The following FANCC variants were observed in gnomAD, a reference collection of about 807,000 sequenced individuals.
FANCC encodes Fanconi anemia group C protein.
A neutral mutation model predicts 71.3 loss-of-function variants in FANCC; 55 were observed. The ratio of observed to expected loss-of-function variants is 0.77; its 90% CI spans 0.62 to 0.97. The LOEUF is 0.97. FANCC is among the 50% of genes least tolerant of loss of function. The probability of loss-of-function intolerance (pLI) is 0.00; values close to 1 mark genes in which losing one functional copy is unlikely to be tolerated. For synonymous variants in FANCC, 275 were observed against 244.9 expected (o/e 1.12, Z -1.15); for missense variants, 678 against 670.9 (o/e 1.01, Z -0.12).
At chr9:95,298,994 G>T (rs368203701) in intron 1 of FANCC, among the ~76,000 whole-genome samples, 6 of 151,962 alleles carry the variant, frequency 3.9e-5, no homozygotes, top group African/African-American at 1.5e-4. Flanking sequence ...AAAATACTAC[G>T]GTATATATGG....
Position 95,121,152 on chromosome 9 carries a change from T to C in FANCC, c.997-3762A>G, listed in dbSNP as rs905151921. Reference sequence around the variant, plus strand: ...TATCATTTTTATCTGTGGGAGATGATTTAATCTAGCTCATTACCAGATGCT... The same window carrying C: ...TATCATTTTTATCTGTGGGAGATGACTTAATCTAGCTCATTACCAGATGCT... On this transcript the variant is annotated intron_variant, in intron 10 of 14. Coordinates refer to ENST00000289081, the MANE Select transcript of FANCC (RefSeq NM_000136.3). Among the ~76,000 whole-genome samples the C allele has an allele frequency of 5.9e-5, 9 of 152,228 alleles. 1 individual carries two copies. The highest frequency in any genetic ancestry group is 4.1e-4 in the South Asian group (2 of 4,832).
At chr9:95,293,461 C>A in intron 1 of FANCC, 1 of 1,570,438 alleles carries the variant, frequency 6.4e-7, no homozygotes, top group South Asian at 1.2e-5. Flanking sequence ...ATTGCTGATC[C>A]TGTTGCTGTT....
chr9:95,218,381 C>CT (rs2135921103), intron 4 of FANCC, among the ~76,000 whole-genome samples: 1 of 152,274 alleles, frequency 6.6e-6, no homozygotes, highest in South Asian at 2.1e-4. Flanking sequence ...GGGAGGACTG[C>CT]TTGAGCCCAG....
rs1835855654 is a variant in FANCC at position 95,317,664 on chromosome 9, C to CCGGCAGTGGAGCCGCG, written c.-233_-218dup. 1 of 152,240 alleles carries CCGGCAGTGGAGCCGCG rather than the reference C, an allele frequency of 6.6e-6. No homozygotes were observed. Among genetic ancestry groups the CCGGCAGTGGAGCCGCG allele is most frequent in the Admixed American group, 6.5e-5 (1 of 15,288 alleles). The allele number at this position is 152,240 out of a possible 1,614,324, so 9.4% of individuals were successfully genotyped here. A position where few individuals can be genotyped will look rare whatever the true frequency, so the allele number is the denominator to read the frequency against. On this transcript the variant is annotated 5_prime_UTR_variant, in exon 1 of 15. Transcript: ENST00000289081. ...TTTTTTGGAATTTTCCCGCGGTCGCCCGGCAGTGGAGCCGCGCGCGCGCAC... is the reference window on the plus strand; with the variant it reads ...TTTTTTGGAATTTTCCCGCGGTCGCCCGGCAGTGGAGCCGCGCGGCAGTGGAGCCGCGCGCGCGCAC...
chr9:95,248,287 T>A (rs563062653), intron 2 of FANCC, among the ~76,000 whole-genome samples: 2 of 152,266 alleles, frequency 1.3e-5, no homozygotes, highest in South Asian at 4.2e-4. Context: ...AAAACATCTC[T>A]CACATGTGTC....
intron 6 of FANCC, among the ~76,000 whole-genome samples, chr9:95,167,548 T>C (rs138712082): frequency 3.9e-5 from 6 of 152,190 alleles, no homozygotes; most frequent in Non-Finnish European, 7.4e-5. Context: ...GATTTGTGTT[T>C]AAGTTTTCTG....
At chr9:95,222,162 C>CAAAA (rs60764731) in intron 4 of FANCC, among the ~76,000 whole-genome samples, 3 of 70,620 alleles carry the variant, frequency 4.2e-5, no homozygotes, top group South Asian at 5.4e-4. Context: ...GGCCCCATCT[C>CAAAA]AAAAAAAAAA....
intron 14 of FANCC, among the ~76,000 whole-genome samples, chr9:95,106,351 T>C (rs1048094933): frequency 1.3e-5 from 2 of 152,270 alleles, no homozygotes; most frequent in African/African-American, 4.8e-5. Context: ...TCCTTATGTA[T>C]TCTGAATACT....
chr9:95,276,841 G>A (rs181724354), intron 1 of FANCC, among the ~76,000 whole-genome samples: 9 of 152,300 alleles, frequency 5.9e-5, no homozygotes, highest in Admixed American at 5.2e-4. Context: ...CGTTTGCCCA[G>A]AGAATACTCG....
Position 95,101,708 on chromosome 9 carries a change from T to C in FANCC, c.1676A>G (p.Ter559TrpextTer11). Residue 559 changes from the stop codon to tryptophan, a stop_lost, in exon 15 of 15, where the codon TAG (stop) becomes TGG (tryptophan). Coordinates refer to ENST00000289081, the MANE Select transcript of FANCC (RefSeq NM_000136.3). ...GCACCCACACGGCCTGCGTGCCTTC[T>C]AGACTTGAGTTCGCAGCTCTTTAAG... is the stretch of plus-strand genomic sequence containing the variant. ...ELLKELRTQV[*>W] 1 of 1,613,932 alleles carries C rather than the reference T, an allele frequency of 6.2e-7. No individual in the cohort carries two copies. The highest frequency in any genetic ancestry group is 8.5e-7 in the Non-Finnish European group (1 of 1,179,982).
chr9:95,252,707 T>C (rs1365235001), intron 1 of FANCC, among the ~76,000 whole-genome samples: 3 of 141,680 alleles, frequency 2.1e-5, no homozygotes, highest in Non-Finnish European at 3.0e-5. Flanking sequence ...ATCACTCCAC[T>C]GCACTCCAGC....
chr9:95,124,935 C>T (rs1051638573), intron 10 of FANCC, 151 bp downstream of exon 10: 8 of 717,550 alleles, frequency 1.1e-5, no homozygotes, highest in African/African-American at 5.3e-5. Context: ...GTTAAAATGG[C>T]TTAACCTTTG....
Position 95,207,161 on chromosome 9 carries a change from G to T in FANCC, c.345+33488C>A, listed in dbSNP as rs118149453. Among the ~76,000 whole-genome samples the T allele has an allele frequency of 5.8e-3, 888 of 152,258 alleles. 7 individuals carry two copies. Among genetic ancestry groups the T allele is most frequent in the Middle Eastern group, 0.01 (3 of 294 alleles). On this transcript the variant is annotated intron_variant, in intron 4 of 14. Coordinates refer to ENST00000289081, the MANE Select transcript of FANCC (RefSeq NM_000136.3). The stretch of plus-strand genomic sequence containing the variant: ...AGACCCTAAACCTCCACCTAAACTG[G>T]TCTATATCAGGGTGCCTGCCTTGGG...
chr9:95,254,764 G>A (rs1366797772), intron 1 of FANCC, among the ~76,000 whole-genome samples: 4 of 152,128 alleles, frequency 2.6e-5, no homozygotes, highest in Non-Finnish European at 5.9e-5. Context: ...TGAAGCCAGG[G>A]AGCCAAGTGG....
chr9:95,174,169 G>C (rs902465150), intron 4 of FANCC, among the ~76,000 whole-genome samples: 2 of 152,158 alleles, frequency 1.3e-5, no homozygotes, highest in African/African-American at 4.8e-5. Flanking sequence ...GGAGCTGGCA[G>C]GTTCAGTGTT....
At chr9:95,309,616 C>T (rs1835263149) in intron 1 of FANCC, among the ~76,000 whole-genome samples, 1 of 152,146 alleles carries the variant, frequency 6.6e-6, no homozygotes. Context: ...TTGTAAATCA[C>T]CAAATACACA....
At chr9:95,218,263 G>A (rs546330406) in intron 4 of FANCC, among the ~76,000 whole-genome samples, 9 of 152,234 alleles carry the variant, frequency 5.9e-5, no homozygotes, top group African/African-American at 1.9e-4. Flanking sequence ...CTAGGAGTTC[G>A]AGACTAGCCT....
intron 8 of FANCC, among the ~76,000 whole-genome samples, chr9:95,131,252 C>A (rs1200744641): frequency 6.6e-6 from 1 of 152,164 alleles, no homozygotes; most frequent in Non-Finnish European, 1.5e-5. Flanking sequence ...TCCCCAGCAC[C>A]CCCTCCCCTG....
At chr9:95,277,483 T>C (rs1452133651) in intron 1 of FANCC, among the ~76,000 whole-genome samples, 2 of 152,170 alleles carry the variant, frequency 1.3e-5, no homozygotes, top group Non-Finnish European at 2.9e-5. Flanking sequence ...CCTATAAATA[T>C]GCACATTACG....
Sources: allele counts gnomAD v4.1 joint callset (sites outside exome capture counted in the v4.1 genomes callset), GRCh38; gene constraint gnomAD v4.1.1; transcripts MANE v1.5; gene names NCBI Gene and HGNC (gene_info 2026-07-23, HGNC 2026-07-21).